CAB39L: variants seen among roughly 807,000 people sequenced by gnomAD.
CAB39L encodes calcium binding protein 39 like.
In CAB39L, 23 loss-of-function variants were observed where a neutral mutation model predicts 39.1. The ratio of observed to expected loss-of-function variants is 0.59; its 90% CI spans 0.42 to 0.83. CAB39L has a LOEUF of 0.83. Among genes scored for constraint, CAB39L ranks in the 40% least tolerant of loss-of-function variants. CAB39L has a pLI of 0.00. For missense variants in CAB39L, 366 were observed against 391.9 expected (o/e 0.93, Z 0.56); for synonymous variants, 126 against 137.2 (o/e 0.92, Z 0.57).
intron 3 of CAB39L, among the ~76,000 whole-genome samples, chr13:49,408,688 G>A (rs907007018): frequency 6.6e-6 from 1 of 152,020 alleles, no homozygotes; most frequent in East Asian, 1.9e-4. Flanking sequence ...AAAATTAGTT[G>A]GGTGTGGTGG....
chr13:49,405,273 G>C (rs545964346), intron 3 of CAB39L, among the ~76,000 whole-genome samples: 1 of 151,236 alleles, frequency 6.6e-6, no homozygotes, highest in South Asian at 2.1e-4. Context: ...AGAGCAGTAA[G>C]ACATATTTGA....
At chr13:49,381,428 A>G (rs934154481) in intron 4 of CAB39L, among the ~76,000 whole-genome samples, 3 of 152,156 alleles carry the variant, frequency 2.0e-5, no homozygotes, top group African/African-American at 7.2e-5. Flanking sequence ...CCAGTCAAGA[A>G]ACAGGACATT....
intron 7 of CAB39L, among the ~76,000 whole-genome samples, chr13:49,344,724 G>A (rs1955097938): frequency 2.0e-5 from 3 of 151,968 alleles, no homozygotes; most frequent in Non-Finnish European, 2.9e-5. Flanking sequence ...GGGTTTCACC[G>A]TGTTAGCCAG....
intron 8 of CAB39L, among the ~76,000 whole-genome samples, 188 bp downstream of exon 8, chr13:49,343,991 C>T (rs1955074082): frequency 6.6e-6 from 1 of 152,128 alleles, no homozygotes. Flanking sequence ...AAGGTGAAAG[C>T]CCTGACCTCC....
chr13:49,340,831 C>T (rs541627735), intron 8 of CAB39L, among the ~76,000 whole-genome samples: 1 of 152,168 alleles, frequency 6.6e-6, no homozygotes, highest in South Asian at 2.1e-4. Context: ...CTGAAAGAGT[C>T]TGAAAGGTTT....
intron 3 of CAB39L, among the ~76,000 whole-genome samples, chr13:49,385,213 C>T (rs1401050732): frequency 6.6e-6 from 1 of 152,234 alleles, no homozygotes; most frequent in Non-Finnish European, 1.5e-5. Context: ...TTTTCCCCTG[C>T]ACTTTTATGT....
At chr13:49,396,759 T>C (rs1322239944) in intron 3 of CAB39L, among the ~76,000 whole-genome samples, 2 of 152,102 alleles carry the variant, frequency 1.3e-5, no homozygotes, top group South Asian at 4.1e-4. Context: ...TTCCTTTACC[T>C]GTATTCCAAA....
At position 49,350,738 on chromosome 13, in the gene CAB39L, A is replaced by G; in HGVS notation, c.564+6T>C. ...TGACCTAGCTGAGTTGGAAAAAAAA[A>G]ATTACCTTGAAAGTAGCAAAGGCAT... On this transcript the variant is annotated splice_donor_region_variant and intron_variant, in intron 7 of 10. Coordinates refer to ENST00000409308, the MANE Select transcript of CAB39L (RefSeq NM_001079670.3). 6.5e-7 allele frequency: 1 copy of G among 1,532,118 alleles called. No homozygotes were observed. The highest frequency in any genetic ancestry group is 8.8e-7 in the Non-Finnish European group (1 of 1,137,852). The allele number at this position is 1,532,118 out of a possible 1,614,324, so 94.9% of individuals were successfully genotyped here.
chr13:49,322,503 T>G (rs1954376724), intron 10 of CAB39L, among the ~76,000 whole-genome samples: 1 of 152,228 alleles, frequency 6.6e-6, no homozygotes, highest in African/African-American at 2.4e-5. Flanking sequence ...TCCCAAATAT[T>G]TACTGTTATG....
At chr13:49,387,653 G>T (rs187269876) in intron 3 of CAB39L, among the ~76,000 whole-genome samples, 1 of 149,788 alleles carries the variant, frequency 6.7e-6, no homozygotes, top group East Asian at 1.9e-4. Context: ...GGAAATAAAT[G>T]CCCTGCAGAC....
chr13:49,378,347 A>G (rs1381276048), intron 4 of CAB39L, among the ~76,000 whole-genome samples: 1 of 60,770 alleles, frequency 1.6e-5, no homozygotes. Flanking sequence ...CAGCCGTGCC[A>G]TCCGGGAGGG....
At chr13:49,320,323 G>A (rs948791964) in intron 10 of CAB39L, among the ~76,000 whole-genome samples, 4 of 152,122 alleles carry the variant, frequency 2.6e-5, no homozygotes, top group Admixed American at 1.3e-4. Context: ...AAACTACCCA[G>A]GACTTCTCCT....
intron 3 of CAB39L, chr13:49,420,211 TGAC>T (rs1957150553): frequency 6.6e-6 from 1 of 152,110 alleles, no homozygotes; most frequent in African/African-American, 2.4e-5. Context: ...CCCAATGAAC[TGAC>T]AAGTAGGCTA....
intron 3 of CAB39L, among the ~76,000 whole-genome samples, chr13:49,396,118 A>G (rs1440010352): frequency 6.6e-6 from 1 of 150,766 alleles, no homozygotes; most frequent in Non-Finnish European, 1.5e-5. Context: ...ACTTAAAAAA[A>G]TAACATTTTG....
Position 49,369,837 on chromosome 13 carries a change from C to T in CAB39L, c.276+7130G>A, listed in dbSNP as rs186950586. ...TCCTGACCTCATGATCTGCCCACTT[C>T]GGCCTCCCAAAGTGCTGGGATTACA... On this transcript the variant is annotated intron_variant, in intron 5 of 10. Coordinates refer to ENST00000409308, the MANE Select transcript of CAB39L (RefSeq NM_001079670.3). Among the ~76,000 whole-genome samples, 896 of 152,238 alleles carry T rather than the reference C, an allele frequency of 5.9e-3. 16 individuals are homozygous for T. The highest frequency in any genetic ancestry group is 0.021 in the African/African-American group (862 of 41,532).
At chr13:49,440,841 TAC>T (rs34011016) in intron 1 of CAB39L, among the ~76,000 whole-genome samples, 78,430 of 150,934 alleles carry the variant, frequency 0.52, 21,512 homozygotes, top group Non-Finnish European at 0.61. Flanking sequence ...CTGATTTTTG[TAC>T]AGAGTTTGTA....
intron 6 of CAB39L, among the ~76,000 whole-genome samples, chr13:49,354,530 A>G (rs1189743581): frequency 6.6e-6 from 1 of 152,218 alleles, no homozygotes; most frequent in South Asian, 2.1e-4. Context: ...CACCTAATCT[A>G]TTCTACTCAT....
At chr13:49,423,248 T>G (rs994761309) in intron 3 of CAB39L, among the ~76,000 whole-genome samples, 1 of 152,220 alleles carries the variant, frequency 6.6e-6, no homozygotes, top group African/African-American at 2.4e-5. Context: ...AATTGGCATA[T>G]CAAACAAGTC....
intron 10 of CAB39L, among the ~76,000 whole-genome samples, chr13:49,322,538 A>G (rs538946743): frequency 1.3e-5 from 2 of 152,390 alleles, no homozygotes; most frequent in South Asian, 4.1e-4. Flanking sequence ...TAAGATTCAT[A>G]TTTAAACCCA....
Sources: allele counts gnomAD v4.1 joint callset (sites outside exome capture counted in the v4.1 genomes callset), GRCh38; gene constraint gnomAD v4.1.1; transcripts MANE v1.5; gene names NCBI Gene and HGNC (gene_info 2026-07-23, HGNC 2026-07-21).